NUP205: variants seen among roughly 807,000 people sequenced by gnomAD.
NUP205 encodes nuclear pore complex protein Nup205.
In NUP205, 76 loss-of-function variants were observed where a neutral mutation model predicts 253.8. The observed-to-expected ratio is 0.30, with a 90% CI of 0.25 to 0.36. The LOEUF (loss-of-function observed/expected upper bound fraction) is 0.36, where lower values mean the gene tolerates loss of function less well. Ranked by LOEUF, NUP205 falls within the 10% of genes least tolerant of loss-of-function variation. NUP205 has a pLI of 1.00. For synonymous variants in NUP205, 832 were observed against 850.1 expected (o/e 0.98, Z 0.37); for missense variants, 2,162 against 2,425.5 (o/e 0.89, Z 2.28).
At chr7:135,579,287 C>G (rs1443009381) in intron 7 of NUP205, among the ~76,000 whole-genome samples, 5 of 151,576 alleles carry the variant, frequency 3.3e-5, no homozygotes, top group Non-Finnish European at 7.4e-5. Context: ...CTCTGCCCCC[C>G]GGGTTCAAGC....
At position 135,631,841 on chromosome 7, in the gene NUP205, C is replaced by G. The variant is rs112515975; in HGVS notation, c.5059+1371C>G. Among the ~76,000 whole-genome samples the G allele has an allele frequency of 4.0e-5, 6 of 151,830 alleles. 1 individual carries two copies. In the South Asian group the frequency reaches 1.2e-3, roughly 31 times the overall value. ...CTCGGCTCACTGCAAGCTCCGCCTC[C>G]CCGATTCACGCCATTCTCCTGCCTC... On this transcript the variant is annotated intron_variant, in intron 35 of 42. Transcript: ENST00000285968.
chr7:135,612,139 A>G (rs927277081), intron 22 of NUP205, among the ~76,000 whole-genome samples: 2 of 152,204 alleles, frequency 1.3e-5, no homozygotes, highest in Admixed American at 6.5e-5. Flanking sequence ...AGAAGAAAAA[A>G]AAACAGAATA....
chr7:135,574,184 C>G (rs1042066967), intron 3 of NUP205, among the ~76,000 whole-genome samples: 1 of 152,064 alleles, frequency 6.6e-6, no homozygotes. Context: ...GTTTAGTGAT[C>G]AGAATTGTTA....
At chr7:135,560,003 C>T (rs1348022208) in intron 1 of NUP205, among the ~76,000 whole-genome samples, 3 of 152,022 alleles carry the variant, frequency 2.0e-5, no homozygotes, top group Non-Finnish European at 2.9e-5. Context: ...GGATTACAGG[C>T]GCCCGCCACT....
At chr7:135,630,660 A>G (rs993349649) in intron 35 of NUP205, among the ~76,000 whole-genome samples, 190 bp downstream of exon 35, 1 of 152,182 alleles carries the variant, frequency 6.6e-6, no homozygotes, top group Non-Finnish European at 1.5e-5. Flanking sequence ...GTGGTGGCTC[A>G]TGCCTGTGAT....
chr7:135,599,317 C>A (rs1313252570), intron 15 of NUP205, among the ~76,000 whole-genome samples: 1 of 151,960 alleles, frequency 6.6e-6, no homozygotes, highest in Non-Finnish European at 1.5e-5. Flanking sequence ...TTGGATATAG[C>A]TTGTTTTTTA....
intron 38 of NUP205, 152 bp downstream of exon 38, chr7:135,638,835 A>G: frequency 1.3e-6 from 1 of 788,404 alleles, no homozygotes; most frequent in Non-Finnish European, 2.1e-6. Context: ...AGCGGGAGGT[A>G]TTATTATTAG....
At chr7:135,596,362 A>G (rs937543426) in intron 13 of NUP205, among the ~76,000 whole-genome samples, 5 of 152,238 alleles carry the variant, frequency 3.3e-5, no homozygotes, top group Admixed American at 2.0e-4. Context: ...GGGTTGGCTT[A>G]CTATGGATAC....
intron 35 of NUP205, among the ~76,000 whole-genome samples, chr7:135,635,117 G>A (rs981210993): frequency 5.3e-5 from 8 of 152,084 alleles, no homozygotes; most frequent in East Asian, 1.9e-4. Context: ...ATTTTGTAAC[G>A]GGTCCAAACT....
At position 135,638,630 on chromosome 7, in the gene NUP205, G is replaced by C; in HGVS notation, c.5339G>C (p.Cys1780Ser). 6.2e-7 allele frequency: 1 copy of C among 1,614,064 alleles called. No individual in the cohort carries two copies. The highest frequency in any genetic ancestry group is 8.5e-7 in the Non-Finnish European group (1 of 1,179,962). The stretch of plus-strand genomic sequence containing the variant: ...TCCCCTACCTTCCAGCATGCTGTGT[G>C]TCTCTTCACTCCTAGCCTTTCAGAA... ...QSSPTFQHAV[C>S]LFTPSLSETV... Residue 1780 changes from cysteine (C) to serine (S), a missense_variant, in exon 38 of 43, where the codon TGT becomes TCT. Physicochemically the swap from Cys to Ser is moderately radical, Grantham distance 112. Transcript: ENST00000285968.
intron 41 of NUP205, chr7:135,645,902 G>C (rs1794998780): frequency 1.7e-6 from 1 of 577,520 alleles, no homozygotes; most frequent in Admixed American, 3.1e-5. Context: ...CTTATTGCTG[G>C]AGTGGGCCTC....
At chr7:135,608,384 G>A (rs915553551) in intron 22 of NUP205, among the ~76,000 whole-genome samples, 1 of 152,128 alleles carries the variant, frequency 6.6e-6, no homozygotes, top group Non-Finnish European at 1.5e-5. Flanking sequence ...ATGTTAAGTG[G>A]TAGAATGTCA....
chr7:135,595,083 TG>T lies in NUP205; in HGVS notation c.2013+358del, dbSNP rs144883542. On this transcript the variant is annotated intron_variant, in intron 13 of 42. Coordinates refer to ENST00000285968, the MANE Select transcript of NUP205 (RefSeq NM_015135.3). ...ACAAATCACCTGCACTCATTAAATG[TG>T]GGGAATGTTTGTTTTTCTTATCTGC... Among the ~76,000 whole-genome samples, 1,459 of 152,246 alleles carry T rather than the reference TG, an allele frequency of 9.6e-3. 38 individuals are homozygous for T. Among genetic ancestry groups the T allele is most frequent in the Admixed American group, 0.053 (811 of 15,280 alleles).
chr7:135,609,937 G>A (rs1289401538), intron 22 of NUP205, among the ~76,000 whole-genome samples: 1 of 152,160 alleles, frequency 6.6e-6, no homozygotes, highest in Non-Finnish European at 1.5e-5. Context: ...GGCAGGTGAA[G>A]TAAATGAATG....
At chr7:135,632,251 G>A (rs1794729732) in intron 35 of NUP205, among the ~76,000 whole-genome samples, 1 of 152,160 alleles carries the variant, frequency 6.6e-6, no homozygotes, top group South Asian at 2.1e-4. Flanking sequence ...GCCAGGTACT[G>A]TTTTAAATAC....
rs1209993645 is a variant in NUP205, at chr7:135,566,234, T to C, written c.29-4871T>C. 2.0e-5 allele frequency among the ~76,000 whole-genome samples: 3 copies of C among 151,996 alleles called. No homozygotes were observed. The East Asian group carries it at 5.8e-4, about 29-fold the overall frequency. ...AGAGATTCTTGTGCCTCAACCCTCCTTGTAGTTGGATTTACAGGTGTGCAT... is the reference window on the plus strand; with the variant it reads ...AGAGATTCTTGTGCCTCAACCCTCCCTGTAGTTGGATTTACAGGTGTGCAT... On this transcript the variant is annotated intron_variant, in intron 1 of 42. Transcript: ENST00000285968.
At chr7:135,629,469 ATCTC>A (rs201403059) in intron 34 of NUP205, among the ~76,000 whole-genome samples, 13,328 of 119,590 alleles carry the variant, frequency 0.11, 805 homozygotes, top group Non-Finnish European at 0.16. Context: ...GTGAGACCCT[ATCTC>A]TCTCTCTCTC....
At position 135,578,170 on chromosome 7, in the gene NUP205, A is replaced by T. The variant is rs1292240457; in HGVS notation, c.877+146A>T. ...TCCGTTCATATTTGAATATTTATAT[A>T]TAAGATCACATTTAAAAAACAGCTG... On this transcript the variant is annotated intron_variant, in intron 6 of 42. Coordinates refer to ENST00000285968, the MANE Select transcript of NUP205 (RefSeq NM_015135.3). 3 of 593,198 alleles carry T rather than the reference A, an allele frequency of 5.1e-6. No individual in the cohort carries two copies. The African/African-American group carries it at 5.6e-5, about 11-fold the overall frequency. The allele number at this position is 593,198 out of a possible 1,614,324, so 36.7% of individuals were successfully genotyped here.
intron 7 of NUP205, among the ~76,000 whole-genome samples, chr7:135,582,527 C>A (rs963771294): frequency 4.6e-5 from 7 of 151,992 alleles, no homozygotes; most frequent in Non-Finnish European, 8.8e-5. Context: ...TCCCTGTTGC[C>A]CAGGCTGGAG....
Sources: allele counts gnomAD v4.1 joint callset (sites outside exome capture counted in the v4.1 genomes callset), GRCh38; gene constraint gnomAD v4.1.1; transcripts MANE v1.5; gene names NCBI Gene and HGNC (gene_info 2026-07-23, HGNC 2026-07-21).